Variants in CSMD1 observed in about 807,000 individuals in gnomAD.
CSMD1 encodes CUB and Sushi multiple domains 1.
A neutral mutation model predicts 417.5 loss-of-function variants in CSMD1; 213 were observed. The observed-to-expected ratio is 0.51, with a 90% CI of 0.46 to 0.57. The LOEUF (loss-of-function observed/expected upper bound fraction) is 0.57, where lower values mean the gene tolerates loss of function less well. Among genes scored for constraint, CSMD1 ranks in the 20% least tolerant of loss-of-function variants. The probability of loss-of-function intolerance (pLI) is 0.00; values close to 1 mark genes in which losing one functional copy is unlikely to be tolerated. For synonymous variants in CSMD1, 2,862 were observed against 1,736.8 expected, an observed-to-expected ratio of 1.65 and a Z score of -16.11; for missense variants, 6,923 against 4,529.7, an observed-to-expected ratio of 1.53 and a Z score of -15.17.
At chr8:4,023,584 T>A (rs1487556026) in intron 4 of CSMD1, among the ~76,000 whole-genome samples, 5 of 29,922 alleles carry the variant, frequency 1.7e-4, no homozygotes, top group Admixed American at 3.7e-4. Flanking sequence ...GCTTTTCAAC[T>A]TTTTTTTTTT....
intron 1 of CSMD1, among the ~76,000 whole-genome samples, chr8:4,922,972 C>T (rs1454007242): frequency 6.6e-6 from 1 of 152,164 alleles, no homozygotes; most frequent in Non-Finnish European, 1.5e-5. Context: ...CACAGAAATA[C>T]TCACATTAAT....
intron 48 of CSMD1, among the ~76,000 whole-genome samples, chr8:3,090,697 G>C (rs10094674): frequency 0.069 from 10,435 of 152,216 alleles, 350 homozygotes; most frequent in Non-Finnish European, 0.082. Context: ...TACACAATGA[G>C]CATCTTTCAC....
At chr8:4,420,704 G>A (rs1047410285) in intron 2 of CSMD1, among the ~76,000 whole-genome samples, 1 of 152,118 alleles carries the variant, frequency 6.6e-6, no homozygotes, top group African/African-American at 2.4e-5. Context: ...GGTCAGGATA[G>A]CAAAGGCCCC....
intron 3 of CSMD1, among the ~76,000 whole-genome samples, chr8:4,254,175 C>G (rs1209019978): frequency 6.6e-6 from 1 of 152,008 alleles, no homozygotes; most frequent in African/African-American, 2.4e-5. Context: ...CCTTGGCCTC[C>G]CAAAGTGATG....
At chr8:4,273,963 C>G (rs1442110582) in intron 3 of CSMD1, among the ~76,000 whole-genome samples, 1 of 152,098 alleles carries the variant, frequency 6.6e-6, no homozygotes, top group Non-Finnish European at 1.5e-5. Context: ...TGGGAGTATT[C>G]AGAACGACAT....
chr8:4,216,614 A>C (rs1052245127), intron 3 of CSMD1, among the ~76,000 whole-genome samples: 1 of 152,176 alleles, frequency 6.6e-6, no homozygotes, highest in Admixed American at 6.5e-5. Flanking sequence ...GACACCGTGA[A>C]GTGTGAATGC....
intron 5 of CSMD1, among the ~76,000 whole-genome samples, chr8:3,846,295 G>C (rs1262107235): frequency 2.0e-5 from 3 of 152,132 alleles, no homozygotes; most frequent in Non-Finnish European, 2.9e-5. Flanking sequence ...TAGGTGATAG[G>C]AATATTCCAG....
At chr8:4,076,482 T>C (rs575055937) in intron 3 of CSMD1, among the ~76,000 whole-genome samples, 28 of 152,296 alleles carry the variant, frequency 1.8e-4, no homozygotes, top group East Asian at 1.9e-4. Context: ...GGTGATGTTT[T>C]TGAATTCATT....
At chr8:3,966,909 C>T (rs1338264956) in intron 5 of CSMD1, among the ~76,000 whole-genome samples, 1 of 152,138 alleles carries the variant, frequency 6.6e-6, no homozygotes, top group Admixed American at 6.5e-5. Flanking sequence ...ACTTGAATGC[C>T]GATGAATTAA....
intron 50 of CSMD1, among the ~76,000 whole-genome samples, chr8:3,031,224 A>T (rs1810319376): frequency 6.7e-6 from 1 of 149,462 alleles, no homozygotes; most frequent in Non-Finnish European, 1.5e-5. Flanking sequence ...CACCAAAAAC[A>T]TGCACCGCAT....
At chr8:4,971,801 G>C (rs770695842) in intron 1 of CSMD1, among the ~76,000 whole-genome samples, 4 of 151,674 alleles carry the variant, frequency 2.6e-5, no homozygotes, top group Non-Finnish European at 4.4e-5. Context: ...ATTATAAGTA[G>C]AAATATAGAA....
At chr8:4,854,691 C>T (rs1320077895) in intron 1 of CSMD1, among the ~76,000 whole-genome samples, 1 of 152,172 alleles carries the variant, frequency 6.6e-6, no homozygotes, top group Non-Finnish European at 1.5e-5. Flanking sequence ...CACCCGAATA[C>T]TGCCCTTTTC....
chr8:4,624,250 G>C (rs1456506032), intron 2 of CSMD1, among the ~76,000 whole-genome samples: 3 of 152,108 alleles, frequency 2.0e-5, no homozygotes, highest in African/African-American at 4.8e-5. Context: ...ACTTCCGGTA[G>C]ATCAAACCAT....
chr8:4,381,587 C>A (rs1442933578), intron 3 of CSMD1, among the ~76,000 whole-genome samples: 2 of 151,962 alleles, frequency 1.3e-5, no homozygotes, highest in Non-Finnish European at 2.9e-5. Context: ...AAGCAATGAC[C>A]ACTTCCCCTT....
intron 10 of CSMD1, among the ~76,000 whole-genome samples, chr8:3,568,055 G>A (rs1046813542): frequency 3.3e-5 from 5 of 152,102 alleles, no homozygotes; most frequent in African/African-American, 9.7e-5. Flanking sequence ...ATGTGCTTCA[G>A]AGTATTGATT....
At chr8:4,445,720 C>T (rs771263987) in intron 2 of CSMD1, among the ~76,000 whole-genome samples, 7 of 152,214 alleles carry the variant, frequency 4.6e-5, no homozygotes, top group South Asian at 2.1e-4. Flanking sequence ...TATTTGGGGG[C>T]GTAACGTTGC....
At chr8:4,042,298 G>C (rs954383504) in intron 3 of CSMD1, among the ~76,000 whole-genome samples, 3 of 152,126 alleles carry the variant, frequency 2.0e-5, no homozygotes, top group African/African-American at 7.2e-5. Context: ...AGTGGGGGTA[G>C]GAGTAATGTT....
chr8:4,978,949 C>T (rs1810721085), intron 1 of CSMD1, among the ~76,000 whole-genome samples: 1 of 152,156 alleles, frequency 6.6e-6, no homozygotes, highest in South Asian at 2.1e-4. Flanking sequence ...AGCACAAAGA[C>T]ATTAGGATCT....
chr8:4,000,065 A>C (rs1462721675), intron 4 of CSMD1, among the ~76,000 whole-genome samples: 1 of 152,266 alleles, frequency 6.6e-6, no homozygotes, highest in Non-Finnish European at 1.5e-5. Flanking sequence ...AAACTGCAAA[A>C]GTACTTCCTG....
Sources: gnomAD v4.1 joint callset for allele counts (sites outside exome capture counted in the v4.1 genomes callset) on GRCh38, gnomAD v4.1.1 for gene constraint, MANE v1.5 for transcripts, NCBI Gene and HGNC (gene_info 2026-07-23, HGNC 2026-07-21) for gene names.